The following ARHGEF11 variants were observed in gnomAD, a reference collection of about 807,000 sequenced individuals.
ARHGEF11 encodes the protein Rho guanine exchange factor (GEF) 11.
Under a neutral mutation model 193.7 loss-of-function variants are expected in ARHGEF11, and 55 were observed. That is an observed-to-expected ratio of 0.28 (90% CI 0.23 to 0.36). ARHGEF11 has a LOEUF of 0.36. ARHGEF11 is among the 10% of genes least tolerant of loss of function. The pLI, the probability that ARHGEF11 is intolerant of heterozygous loss-of-function variation, is 1.00. For missense variants in ARHGEF11, 1,723 were observed against 2,005.6 expected (o/e 0.86, Z 2.69); for synonymous variants, 693 against 768.0 (o/e 0.90, Z 1.62).
Position 157,017,474 on chromosome 1 carries a change from G to A in ARHGEF11, c.32+26825C>T, listed in dbSNP as rs1039669130. Among the ~76,000 whole-genome samples, 7 of 152,192 alleles carry A rather than the reference G, an allele frequency of 4.6e-5. 1 individual carries two copies. Among genetic ancestry groups the A allele is most frequent in the Middle Eastern group, 6.8e-3 (2 of 294 alleles). The stretch of plus-strand genomic sequence containing the variant: ...TGCAAACCCAGCCCTTTGGGAGGTC[G>A]AGGCAGGTGGATCACGAGGTCAGGA... On this transcript the variant is annotated intron_variant, in intron 1 of 40. Coordinates refer to ENST00000368194, the MANE Select transcript of ARHGEF11 (RefSeq NM_198236.3).
chr1:156,996,278 T>C (rs1178118948), intron 1 of ARHGEF11, among the ~76,000 whole-genome samples: 1 of 152,150 alleles, frequency 6.6e-6, no homozygotes, highest in Non-Finnish European at 1.5e-5. Flanking sequence ...AAACTGCATG[T>C]TAAAGTGTGT....
chr1:157,024,149 G>A (rs1478242428), intron 1 of ARHGEF11, among the ~76,000 whole-genome samples: 1 of 152,154 alleles, frequency 6.6e-6, no homozygotes, highest in Non-Finnish European at 1.5e-5. Context: ...AACCTTTAAA[G>A]TATCGTGCTA....
At chr1:156,947,237 G>A in intron 26 of ARHGEF11, 67 bp downstream of exon 26, 1 of 1,551,314 alleles carries the variant, frequency 6.4e-7, no homozygotes, top group Non-Finnish European at 8.7e-7. Context: ...CCTGGCAGTG[G>A]GGCCAAAGTG....
At chr1:156,977,369 C>A (rs1251970185) in intron 6 of ARHGEF11, among the ~76,000 whole-genome samples, 2 of 152,128 alleles carry the variant, frequency 1.3e-5, no homozygotes, top group African/African-American at 4.8e-5. Context: ...TAACTCTTCA[C>A]ATAGGTGTTT....
chr1:157,017,819 T>G (rs1349849916), intron 1 of ARHGEF11, among the ~76,000 whole-genome samples: 1 of 151,812 alleles, frequency 6.6e-6, no homozygotes, highest in African/African-American at 2.4e-5. Flanking sequence ...GCTCCAAAGG[T>G]CTACCAAGAA....
intron 1 of ARHGEF11, among the ~76,000 whole-genome samples, chr1:156,998,379 G>A (rs563703321): frequency 3.9e-5 from 6 of 152,196 alleles, no homozygotes; most frequent in Non-Finnish European, 8.8e-5. Flanking sequence ...CCGAAGCTAT[G>A]CCCAGGAATT....
At chr1:156,976,536 T>C (rs1460983234) in intron 7 of ARHGEF11, among the ~76,000 whole-genome samples, 1 of 152,212 alleles carries the variant, frequency 6.6e-6, no homozygotes, top group Admixed American at 6.5e-5. Context: ...AATAGGAATC[T>C]GGTTATTCCA....
In ARHGEF11 at chr1:157,045,722, G is replaced by T. The variant is rs1301091812; in HGVS notation, c.-1392C>A. 6.7e-6 allele frequency among the ~76,000 whole-genome samples: 1 copy of T among 149,752 alleles called. No individual in the cohort carries two copies. The highest frequency in any genetic ancestry group is 1.5e-5 in the Non-Finnish European group (1 of 66,898). On this transcript the variant is annotated 5_prime_UTR_variant, in exon 1 of 41. Transcript: ENST00000368194. ...AAGGCTGCGGCGGCTGCGGCAGGCCGGCACGAGCGGGCGTCCGACTGCCGG... is the reference window on the plus strand; with the variant it reads ...AAGGCTGCGGCGGCTGCGGCAGGCCTGCACGAGCGGGCGTCCGACTGCCGG...
chr1:157,032,627 C>T (rs1039614391), intron 1 of ARHGEF11, among the ~76,000 whole-genome samples: 1 of 152,100 alleles, frequency 6.6e-6, no homozygotes, highest in African/African-American at 2.4e-5. Flanking sequence ...GGACCAGGAG[C>T]GACATTTTTT....
intron 1 of ARHGEF11, among the ~76,000 whole-genome samples, chr1:157,005,181 C>T (rs987267239): frequency 2.6e-5 from 4 of 152,188 alleles, no homozygotes; most frequent in Non-Finnish European, 5.9e-5. Flanking sequence ...GTGTTACTGC[C>T]CGTTGCTTGG....
chr1:156,948,557 C>A lies in ARHGEF11; in HGVS notation c.1926-59G>T, dbSNP rs747905038. ...GGAAGTCAGTGGGCCATGCTTACAT[C>A]CTGGCTAACTCTTACCTGTGGCTCC... On this transcript the variant is annotated intron_variant, in intron 22 of 40. Transcript: ENST00000368194. This position sits in a 1 kb window ranked among gnomAD's most constrained non-coding sequence, Gnocchi z 4.2. The A allele has an allele frequency of 1.9e-6, 3 of 1,613,566 alleles. No homozygotes were observed. Among genetic ancestry groups the A allele is most frequent in the East Asian group, 4.5e-5 (2 of 44,892 alleles).
intron 38 of ARHGEF11, among the ~76,000 whole-genome samples, chr1:156,938,009 G>A (rs960941103): frequency 2.0e-5 from 3 of 152,184 alleles, no homozygotes; most frequent in Non-Finnish European, 4.4e-5. Context: ...TGACAGGCAG[G>A]AAGCACAGAG....
rs187116770 is a variant in ARHGEF11, at chr1:156,941,787, C to T, written c.3452+77G>A. The T allele has an allele frequency of 1.5e-4, 227 of 1,522,952 alleles. 1 individual carries two copies. Among genetic ancestry groups the T allele is most frequent in the Middle Eastern group, 2.4e-4 (1 of 4,162 alleles). The allele number at this position is 1,522,952 out of a possible 1,614,324, so 94.3% of individuals were successfully genotyped here. On this transcript the variant is annotated intron_variant, in intron 34 of 40. Transcript: ENST00000368194. ...TGTTGTGGCTGTCTACCCACGGGGG[C>T]GAAGGGCTTAAAAGCAGCAGGAAAC...
chr1:156,970,316 T>G (rs932194557), intron 8 of ARHGEF11, among the ~76,000 whole-genome samples: 1 of 152,172 alleles, frequency 6.6e-6, no homozygotes, highest in Non-Finnish European at 1.5e-5. Context: ...TTGCCTTATT[T>G]GGATACAAGA....
rs1658490661 is a variant in ARHGEF11, at chr1:156,948,149, C to G, written c.2153+32G>C. The G allele has an allele frequency of 6.5e-7, 1 of 1,544,544 alleles. No individual in the cohort carries two copies. The highest frequency in any genetic ancestry group is 8.7e-7 in the Non-Finnish European group (1 of 1,143,904). On this transcript the variant is annotated intron_variant, in intron 24 of 40. Coordinates refer to ENST00000368194, the MANE Select transcript of ARHGEF11 (RefSeq NM_198236.3). The surrounding 1 kb of genome is among the most constrained non-coding windows in gnomAD (Gnocchi z 4.2). ...GGGTGTGGATGGGACACAGAGACAC[C>G]AAACAGAGGCACCACCGTGCCCATC... is the stretch of plus-strand genomic sequence containing the variant.
intron 11 of ARHGEF11, among the ~76,000 whole-genome samples, chr1:156,966,841 G>A (rs1661733415): frequency 6.6e-6 from 1 of 152,004 alleles, no homozygotes; most frequent in African/African-American, 2.4e-5. Context: ...TTTATTTTTC[G>A]GGTTGTTTTA....
At chr1:157,017,937 T>C (rs561226060) in intron 1 of ARHGEF11, among the ~76,000 whole-genome samples, 2 of 152,172 alleles carry the variant, frequency 1.3e-5, no homozygotes, top group South Asian at 4.1e-4. Flanking sequence ...AGCAAGCTGA[T>C]TCTAAAATCC....
At chr1:157,004,774 T>G (rs1358448152) in intron 1 of ARHGEF11, among the ~76,000 whole-genome samples, 3 of 152,078 alleles carry the variant, frequency 2.0e-5, no homozygotes, top group South Asian at 4.1e-4. Flanking sequence ...CCTCATTCCC[T>G]CCTTTACATC....
intron 1 of ARHGEF11, among the ~76,000 whole-genome samples, chr1:157,021,327 C>A (rs577019582): frequency 6.6e-6 from 1 of 152,218 alleles, no homozygotes; most frequent in Non-Finnish European, 1.5e-5. Context: ...AAATGCTGAA[C>A]ACCAAAAAAG....
Sources: allele counts gnomAD v4.1 joint callset (sites outside exome capture counted in the v4.1 genomes callset), GRCh38; gene constraint gnomAD v4.1.1; non-coding constraint Gnocchi (gnomAD v3.1); transcripts MANE v1.5; gene names NCBI Gene and HGNC (gene_info 2026-07-23, HGNC 2026-07-21).